The following CDV3 variants were observed in gnomAD, a reference collection of about 807,000 sequenced individuals.
CDV3 encodes protein CDV3 homolog.
A neutral mutation model predicts 24.5 loss-of-function variants in CDV3; 14 were observed. The ratio of observed to expected loss-of-function variants is 0.57; its 90% CI spans 0.38 to 0.89. The LOEUF (loss-of-function observed/expected upper bound fraction) is 0.89, where lower values mean the gene tolerates loss of function less well. Ranked by LOEUF, CDV3 falls within the 40% of genes least tolerant of loss-of-function variation. CDV3 has a pLI of 0.00. For synonymous variants in CDV3, 114 were observed against 114.1 expected (o/e 1.00, Z 0.00); for missense variants, 304 against 310.2 (o/e 0.98, Z 0.15).
chr3:133,574,997 C>T (rs574130356), intron 1 of CDV3, 42 bp from the exon 2 acceptor site: 3 of 1,235,848 alleles, frequency 2.4e-6, no homozygotes, highest in South Asian at 1.2e-5. Context: ...AGTTATATGT[C>T]TACAAATAGC....
intron 4 of CDV3, chr3:133,587,448 T>TCTTTAC: frequency 8.7e-7 from 1 of 1,155,450 alleles, no homozygotes; most frequent in Non-Finnish European, 1.1e-6. Context: ...CACTCGAGTT[T>TCTTTAC]CTTTACCTGA....
At chr3:133,584,967 C>T (rs1418527284) in intron 3 of CDV3, among the ~76,000 whole-genome samples, 1 of 152,172 alleles carries the variant, frequency 6.6e-6, no homozygotes, top group Non-Finnish European at 1.5e-5. Flanking sequence ...AGTGTATACT[C>T]ATTATTTTAT....
At position 133,588,066 on chromosome 3, in the gene CDV3, C is replaced by T. The variant is rs746849502; in HGVS notation, c.*20C>T. The T allele has an allele frequency of 2.5e-6, 4 of 1,607,628 alleles. No homozygotes were observed. In the Admixed American group the frequency reaches 6.8e-5, roughly 27 times the overall value. On this transcript the variant is annotated 3_prime_UTR_variant, in exon 5 of 5. Coordinates refer to ENST00000264993, the MANE Select transcript of CDV3 (RefSeq NM_017548.5). ...AATTAAGGAATGGGCTTTGCTAACC[C>T]TTCTGAGGTAACTAGACTGCAGCTA...
At chr3:133,580,117 C>G (rs1200298659) in intron 2 of CDV3, among the ~76,000 whole-genome samples, 1 of 152,074 alleles carries the variant, frequency 6.6e-6, no homozygotes, top group African/African-American at 2.4e-5. Context: ...CTATCCCTCC[C>G]CCAGTCCCCC....
At chr3:133,574,497 C>G in intron 1 of CDV3, 9 of 986,292 alleles carry the variant, frequency 9.1e-6, no homozygotes, top group Non-Finnish European at 1.1e-5. Context: ...CTTCCCACCC[C>G]GCGTCGCTCG....
intron 4 of CDV3, 43 bp downstream of exon 4, chr3:133,586,765 C>T (rs779223581): frequency 2.3e-6 from 3 of 1,293,388 alleles, no homozygotes; most frequent in South Asian, 2.4e-5. Context: ...GACTTCTGTT[C>T]CTAGGCCAGG....
chr3:133,580,445 G>A (rs531867011), intron 2 of CDV3, among the ~76,000 whole-genome samples: 35 of 152,326 alleles, frequency 2.3e-4, no homozygotes, highest in African/African-American at 7.7e-4. Context: ...GCTCACGCCT[G>A]TAATCTCAGT....
rs1469255004 is a variant in CDV3, at chr3:133,588,122, C to G, written c.*76C>G. On this transcript the variant is annotated 3_prime_UTR_variant, in exon 5 of 5. Coordinates refer to ENST00000264993, the MANE Select transcript of CDV3 (RefSeq NM_017548.5). Reference sequence around the variant, plus strand: ...CACCAACAGCCATTCATCATCTGATCTCTGCTGGATCTACAGACACCGATG... The same window carrying G: ...CACCAACAGCCATTCATCATCTGATGTCTGCTGGATCTACAGACACCGATG... 1 of 1,578,494 alleles carries G rather than the reference C, an allele frequency of 6.3e-7. No homozygotes were observed. Among genetic ancestry groups the G allele is most frequent in the African/African-American group, 1.4e-5 (1 of 73,762 alleles).
chr3:133,587,717 G>A (rs1056985367), intron 4 of CDV3, 179 bp from the exon 5 acceptor site: 3 of 1,394,208 alleles, frequency 2.2e-6, no homozygotes, highest in Admixed American at 6.2e-5. Context: ...ACAGCGTTCT[G>A]TGTTTTCTGT....
At chr3:133,577,147 A>C (rs963240801) in intron 2 of CDV3, among the ~76,000 whole-genome samples, 5 of 151,776 alleles carry the variant, frequency 3.3e-5, no homozygotes, top group African/African-American at 1.2e-4. Flanking sequence ...CACCCGGCCT[A>C]GACTAGCTTT....
rs1379543607 is a variant in CDV3, at chr3:133,589,631, GGTGA to G, written c.*1588_*1591del. On this transcript the variant is annotated 3_prime_UTR_variant, in exon 5 of 5. Transcript: ENST00000264993. Reference sequence around the variant, plus strand: ...GCTACTGGCAAGAGTGAAGCAAGTGGGTGAGTAAAACTATTTTGACGTGGGAGCG... The same window carrying G: ...GCTACTGGCAAGAGTGAAGCAAGTGGGTAAAACTATTTTGACGTGGGAGCG... 6.6e-6 allele frequency: 1 copy of G among 152,630 alleles called. No homozygotes were observed. Among genetic ancestry groups the G allele is most frequent in the Non-Finnish European group, 1.5e-5 (1 of 68,040 alleles). 9.5% of individuals were successfully genotyped at this position (152,630 alleles called of 1,614,324 possible).
chr3:133,585,620 A>G (rs1576657155), intron 3 of CDV3, among the ~76,000 whole-genome samples: 1 of 151,652 alleles, frequency 6.6e-6, no homozygotes, highest in East Asian at 1.9e-4. Context: ...TCAGCCTCCC[A>G]AGTAGCTGGG....
At chr3:133,587,745 A>C in intron 4 of CDV3, 151 bp from the exon 5 acceptor site, 2 of 1,417,890 alleles carry the variant, frequency 1.4e-6, no homozygotes, top group Non-Finnish European at 1.8e-6. Flanking sequence ...GAAGCCTTAA[A>C]ATGGTTTGAT....
chr3:133,574,792 C>T (rs989629879), intron 1 of CDV3: 4 of 1,030,924 alleles, frequency 3.9e-6, no homozygotes, highest in East Asian at 4.1e-5. Flanking sequence ...CTTCCTTCGG[C>T]TTTTCTTAGT....
At position 133,586,594 on chromosome 3, in the gene CDV3, TG is replaced by T; in HGVS notation, c.500del (p.Gly167ValfsTer10). The T allele has an allele frequency of 6.3e-7, 1 of 1,598,170 alleles. No homozygotes were observed. Among genetic ancestry groups the T allele is most frequent in the Non-Finnish European group, 8.6e-7 (1 of 1,165,628 alleles). ...TETPEPAMTS[G>X]VYRPPGARLT... Reference sequence around the variant, plus strand: ...AAACCCCAGAACCAGCGATGACTAGTGGTGTGTATAGGCCTCCTGGGGCCAG... The same window carrying T: ...AAACCCCAGAACCAGCGATGACTAGTGTGTGTATAGGCCTCCTGGGGCCAG... On this transcript the variant is annotated frameshift_variant, in exon 4 of 5. Coordinates refer to ENST00000264993, the MANE Select transcript of CDV3 (RefSeq NM_017548.5). LOFTEE classifies it high-confidence loss of function.
chr3:133,582,957 A>G (rs1436840900), intron 2 of CDV3, among the ~76,000 whole-genome samples: 2 of 152,352 alleles, frequency 1.3e-5, no homozygotes, highest in Non-Finnish European at 2.9e-5. Context: ...GGACATGTAA[A>G]GTTACACAAA....
intron 3 of CDV3, among the ~76,000 whole-genome samples, chr3:133,585,837 T>TA (rs1933544586): frequency 2.0e-5 from 3 of 152,178 alleles, no homozygotes; most frequent in Admixed American, 2.0e-4. Flanking sequence ...GGCATTTCAT[T>TA]AAAAAATTCT....
intron 2 of CDV3, among the ~76,000 whole-genome samples, chr3:133,581,835 A>G (rs577834916): frequency 3.2e-4 from 49 of 152,332 alleles, no homozygotes; most frequent in Non-Finnish European, 6.9e-4. Flanking sequence ...TATGACATGA[A>G]TACTACCTCC....
At chr3:133,585,344 GTTTTTAAATCATC>G (rs1171314447) in intron 3 of CDV3, among the ~76,000 whole-genome samples, 3 of 152,042 alleles carry the variant, frequency 2.0e-5, no homozygotes, top group Non-Finnish European at 4.4e-5. Flanking sequence ...CCGGTCTTAT[GTTTTTAAATCATC>G]TTTAGAATCT....
Sources: allele counts gnomAD v4.1 joint callset (sites outside exome capture counted in the v4.1 genomes callset), GRCh38; gene constraint gnomAD v4.1.1; transcripts MANE v1.5; gene names NCBI Gene and HGNC (gene_info 2026-07-23, HGNC 2026-07-21).